The following SEMA3D variants were observed in gnomAD, a reference collection of about 807,000 sequenced individuals.
The protein encoded by SEMA3D is semaphorin-3D.
A neutral mutation model predicts 100.1 loss-of-function variants in SEMA3D; 84 were observed. The ratio of observed to expected loss-of-function variants is 0.84; its 90% CI spans 0.70 to 1.01. The LOEUF (loss-of-function observed/expected upper bound fraction) is 1.01, where lower values mean the gene tolerates loss of function less well. Among genes scored for constraint, SEMA3D ranks in the 50% least tolerant of loss-of-function variants. SEMA3D has a pLI of 0.00. For synonymous variants in SEMA3D, 312 were observed against 320.7 expected, an observed-to-expected ratio of 0.97 and a Z score of 0.29; for missense variants, 875 against 934.1, an observed-to-expected ratio of 0.94 and a Z score of 0.82.
chr7:85,096,502 C>A (rs1343761563), intron 4 of SEMA3D, among the ~76,000 whole-genome samples: 1 of 151,728 alleles, frequency 6.6e-6, no homozygotes, highest in Non-Finnish European at 1.5e-5. Context: ...AGTATTTTAG[C>A]CCTCATTTTT....
At chr7:85,217,609 G>A in the SEMA3D span, among the ~76,000 whole-genome samples, 292 of 152,158 alleles carry the variant, frequency 1.9e-3, 1 homozygote, top group African/African-American at 6.9e-3. Context: ...CCAGGAACCA[G>A]TAGATAAGGG....
At chr7:85,052,104 C>T (rs1256289276) in intron 9 of SEMA3D, among the ~76,000 whole-genome samples, 1 of 151,876 alleles carries the variant, frequency 6.6e-6, no homozygotes, top group Non-Finnish European at 1.5e-5. Context: ...TCTACATATA[C>T]ACCTACATAT....
At chr7:85,069,481 T>A (rs1791714017) in intron 6 of SEMA3D, among the ~76,000 whole-genome samples, 1 of 152,284 alleles carries the variant, frequency 6.6e-6, no homozygotes, top group East Asian at 1.9e-4. Flanking sequence ...CTTGAGCCAG[T>A]CAAGGACTCA....
intron 12 of SEMA3D, among the ~76,000 whole-genome samples, chr7:85,034,243 AAATAT>A: frequency 6.6e-6 from 1 of 152,132 alleles, no homozygotes; most frequent in Non-Finnish European, 1.5e-5. Context: ...ATTACTATTA[AAATAT>A]AAGTAAATGA....
At chr7:85,155,059 C>A (rs1790547334) in intron 1 of SEMA3D, among the ~76,000 whole-genome samples, 1 of 151,814 alleles carries the variant, frequency 6.6e-6, no homozygotes, top group African/African-American at 2.4e-5. Context: ...TTTCAAACAT[C>A]TTATTATAAA....
chr7:85,084,695 T>C (rs1788166532), intron 4 of SEMA3D, among the ~76,000 whole-genome samples: 1 of 152,136 alleles, frequency 6.6e-6, no homozygotes, highest in African/African-American at 2.4e-5. Flanking sequence ...CTTGTAAAGA[T>C]TGTTTCTTCA....
intron 2 of SEMA3D, among the ~76,000 whole-genome samples, chr7:85,133,820 T>A (rs1004463291): frequency 1.3e-5 from 2 of 152,008 alleles, no homozygotes; most frequent in Non-Finnish European, 2.9e-5. Flanking sequence ...AAATAATGCA[T>A]GGAAAGCACT....
chr7:85,097,079 T>A (rs150616764), intron 4 of SEMA3D, among the ~76,000 whole-genome samples: 21 of 151,986 alleles, frequency 1.4e-4, no homozygotes, highest in African/African-American at 4.6e-4. Flanking sequence ...TTAGCATCTA[T>A]CTCTGCTTGC....
chr7:85,169,279 T>C (rs992746707), intron 1 of SEMA3D, among the ~76,000 whole-genome samples: 1 of 151,794 alleles, frequency 6.6e-6, no homozygotes, highest in African/African-American at 2.4e-5. Context: ...TTTAACAAAA[T>C]GCAGCTTGTT....
At chr7:85,018,731 G>A (rs1270682053) in intron 14 of SEMA3D, among the ~76,000 whole-genome samples, 1 of 151,686 alleles carries the variant, frequency 6.6e-6, no homozygotes, top group African/African-American at 2.4e-5. Context: ...AGAAGTTATA[G>A]TGCTCCTTGT....
chr7:85,218,536 T>C, the SEMA3D span, among the ~76,000 whole-genome samples: 1 of 152,130 alleles, frequency 6.6e-6, no homozygotes, highest in Non-Finnish European at 1.5e-5. Flanking sequence ...TACATTACAA[T>C]GTGCAGTTTG....
chr7:85,213,765 C>T, the SEMA3D span, among the ~76,000 whole-genome samples: 2 of 152,096 alleles, frequency 1.3e-5, no homozygotes, highest in Admixed American at 6.6e-5. Flanking sequence ...CTGTGACCCA[C>T]GGTATTTGAT....
intron 16 of SEMA3D, among the ~76,000 whole-genome samples, chr7:85,014,748 TA>T (rs1290462915): frequency 6.6e-6 from 1 of 151,328 alleles, no homozygotes; most frequent in African/African-American, 2.4e-5. Context: ...GGAACAATTA[TA>T]AAAAAGGCAA....
the SEMA3D span, among the ~76,000 whole-genome samples, chr7:85,232,902 C>A: frequency 6.6e-6 from 1 of 152,114 alleles, no homozygotes; most frequent in African/African-American, 2.4e-5. Context: ...TATGCCTGGC[C>A]ATTAACCCTT....
At chr7:85,212,180 G>A in the SEMA3D span, among the ~76,000 whole-genome samples, 1 of 149,076 alleles carries the variant, frequency 6.7e-6, no homozygotes. Flanking sequence ...AGGCCTGTTT[G>A]TTCAGATTCT....
At chr7:85,093,644 C>T (rs374778512) in intron 4 of SEMA3D, among the ~76,000 whole-genome samples, 15 of 152,028 alleles carry the variant, frequency 9.9e-5, no homozygotes, top group East Asian at 5.8e-4. Flanking sequence ...ATCTATTCCA[C>T]GCTAATTGAT....
chr7:85,139,408 A>G (rs1789977490), intron 2 of SEMA3D, among the ~76,000 whole-genome samples: 1 of 152,132 alleles, frequency 6.6e-6, no homozygotes, highest in African/African-American at 2.4e-5. Flanking sequence ...ATAGATATAT[A>G]CATTTATATA....
chr7:85,138,645 T>TA, intron 2 of SEMA3D, among the ~76,000 whole-genome samples: 1 of 105,984 alleles, frequency 9.4e-6, no homozygotes, highest in East Asian at 2.8e-4. Context: ...AAATTATATA[T>TA]ATTTAATTTA....
intron 3 of SEMA3D, among the ~76,000 whole-genome samples, chr7:85,121,067 T>C (rs886588066): frequency 6.6e-6 from 1 of 152,156 alleles, no homozygotes; most frequent in Non-Finnish European, 1.5e-5. Context: ...GAAGTTTTAT[T>C]CTCCCTACAT....
Sources: gnomAD v4.1 joint callset for allele counts (sites outside exome capture counted in the v4.1 genomes callset) on GRCh38, gnomAD v4.1.1 for gene constraint, MANE v1.5 for transcripts, NCBI Gene and HGNC (gene_info 2026-07-23, HGNC 2026-07-21) for gene names.